Variants in MYL3 observed in about 807,000 individuals in gnomAD.
The protein encoded by MYL3 is myosin light chain 3.
Under a neutral mutation model 21.3 loss-of-function variants are expected in MYL3, and 11 were observed. The observed-to-expected ratio is 0.52, with a 90% CI of 0.32 to 0.85. The LOEUF (loss-of-function observed/expected upper bound fraction) is 0.85. MYL3 is among the 40% of genes least tolerant of loss of function. MYL3 has a pLI of 0.03. For missense variants in MYL3, 206 were observed against 253.3 expected (o/e 0.81, Z 1.27); for synonymous variants, 88 against 91.6 (o/e 0.96, Z 0.22).
chr3:46,881,847 G>A (rs1159973311), intron 1 of MYL3, among the ~76,000 whole-genome samples: 3 of 152,118 alleles, frequency 2.0e-5, no homozygotes, highest in African/African-American at 7.2e-5. Context: ...CGCGGCCGGG[G>A]GCGCGCGGGG....
At chr3:46,868,770 G>A (rs542368161) in intron 1 of MYL3, among the ~76,000 whole-genome samples, 1 of 152,294 alleles carries the variant, frequency 6.6e-6, no homozygotes, top group East Asian at 1.9e-4. Flanking sequence ...GGCCTGGACT[G>A]GGGGACCTCA....
intron 1 of MYL3, among the ~76,000 whole-genome samples, chr3:46,876,993 G>C (rs572275415): frequency 7.9e-5 from 12 of 152,184 alleles, no homozygotes; most frequent in Non-Finnish European, 1.6e-4. Flanking sequence ...GACCCACAGA[G>C]AGAAGTCATC....
rs79803923 is a variant in MYL3 at position 46,858,144 on chromosome 3, G to A, written c.*14-43C>T. ...GCAGATTACAGAGGAGGAGGGAGAC[G>A]GAGGCAGCAGGATGTCAAGTGAGCA... On this transcript the variant is annotated intron_variant, in intron 6 of 6. Transcript: ENST00000292327. 308 of 1,446,738 alleles carry A rather than the reference G, an allele frequency of 2.1e-4. No individual in the cohort carries two copies. In the East Asian group the frequency reaches 5.3e-3, roughly 25 times the overall value. 89.6% of individuals were successfully genotyped at this position (1,446,738 alleles called of 1,614,324 possible).
chr3:46,879,768 G>A lies in MYL3; in HGVS notation c.-218+2306C>T, dbSNP rs931241017. Among the ~76,000 whole-genome samples the A allele has an allele frequency of 2.6e-5, 4 of 151,652 alleles. No individual in the cohort carries two copies. Among genetic ancestry groups the A allele is most frequent in the Admixed American group, 6.6e-5 (1 of 15,224 alleles). On this transcript the variant is annotated intron_variant, in intron 1 of 3. Transcript: ENST00000431168. The surrounding 1 kb of genome is among the most constrained non-coding windows in gnomAD (Gnocchi z 4.7). ...TCTGGGGAAAAAAAAAATGCTGCGT[G>A]TGGTGGCTCACGCTTGTAATCTCAA...
chr3:46,858,431 T>C lies in MYL3; in HGVS notation c.512A>G (p.Lys171Arg), dbSNP rs1701955809. The change falls in exon 5 of 7, where the codon AAG (lysine) becomes AGG (arginine). Residue 171 changes from lysine (K) to arginine (R), a missense_variant. Coordinates refer to ENST00000292327, the MANE Select transcript of MYL3 (RefSeq NM_000258.3). Reference sequence around the variant, plus strand: ...GGAGTCCTCTTGCCCAGCCATCAACTTCTCCACTTCGTCTTCTGTCAGCCT... The same window carrying C: ...GGAGTCCTCTTGCCCAGCCATCAACCTCTCCACTTCGTCTTCTGTCAGCCT... ...GERLTEDEVE[K>R]LMAGQEDSNG... 6.2e-7 allele frequency: 1 copy of C among 1,613,904 alleles called. No individual in the cohort carries two copies. Among genetic ancestry groups the C allele is most frequent in the African/African-American group, 1.3e-5 (1 of 75,044 alleles).
chr3:46,860,682 G>C lies in MYL3; in HGVS notation c.301C>G (p.Gln101Glu), dbSNP rs747691982. The part of the protein sequence containing the change: ...EVLRVLGKPR[Q>E]EELNTKMMDF... ...TCTCGGGCAGGTGCACTACCTTCCT[G>C]TCTTGGCTTCCCCAGGACACGGAGC... The change falls in exon 3 of 7, where the codon CAG becomes GAG. Residue 101 changes from glutamine to glutamate, a missense_variant. Transcript: ENST00000292327. The surrounding 1 kb of genome is among the most constrained non-coding windows in gnomAD (Gnocchi z 4.6). 4 of 1,613,746 alleles carry C rather than the reference G, an allele frequency of 2.5e-6. No individual in the cohort carries two copies.
rs549111363 is a variant in MYL3 at position 46,861,224 on chromosome 3, C to T, written c.130-237G>A. ...CTGTGTGCACCGAGGCCCTGATGCT[C>T]GGTGGACCCTGGCAGGGGTAGCAGT... On this transcript the variant is annotated intron_variant, in intron 1 of 6. Coordinates refer to ENST00000292327, the MANE Select transcript of MYL3 (RefSeq NM_000258.3). This position sits in a 1 kb window ranked among gnomAD's most constrained non-coding sequence, Gnocchi z 4.2. Among the ~76,000 whole-genome samples, 1 of 152,180 alleles carries T rather than the reference C, an allele frequency of 6.6e-6. No individual in the cohort carries two copies. The highest frequency in any genetic ancestry group is 6.5e-5 in the Admixed American group (1 of 15,282).
At chr3:46,867,918 C>T (rs2106919904), upstream of MYL3, among the ~76,000 whole-genome samples, 1 of 152,372 alleles carries the variant, frequency 6.6e-6, no homozygotes, top group East Asian at 1.9e-4. Flanking sequence ...ACACAGACCC[C>T]ACGCGGGGCC....
chr3:46,862,107 G>A (rs1446799843), intron 1 of MYL3, among the ~76,000 whole-genome samples: 1 of 152,162 alleles, frequency 6.6e-6, no homozygotes, highest in Non-Finnish European at 1.5e-5. Flanking sequence ...CGCATGAGGG[G>A]TCTCATTGTC....
In MYL3 at chr3:46,859,795, C is replaced by T; in HGVS notation, c.308-147G>A. 1 of 978,724 alleles carries T rather than the reference C, an allele frequency of 1.0e-6. No homozygotes were observed. Among genetic ancestry groups the T allele is most frequent in the Non-Finnish European group, 1.6e-6 (1 of 624,260 alleles). The allele number at this position is 978,724 out of a possible 1,614,324, so 60.6% of individuals were successfully genotyped here. A position where few individuals can be genotyped will look rare whatever the true frequency, so the allele number is the denominator to read the frequency against. On this transcript the variant is annotated intron_variant, in intron 3 of 6. Coordinates refer to ENST00000292327, the MANE Select transcript of MYL3 (RefSeq NM_000258.3). The surrounding 1 kb of genome is among the most constrained non-coding windows in gnomAD (Gnocchi z 4.1). ...TCTCACAGCAGTCTACACCAGTTTG[C>T]CATTTAAAAGCAAACTACCATCGCG...
At chr3:46,870,690 A>T (rs746295071) in intron 1 of MYL3, among the ~76,000 whole-genome samples, 1 of 152,108 alleles carries the variant, frequency 6.6e-6, no homozygotes, top group Non-Finnish European at 1.5e-5. Flanking sequence ...GCTATGTCTG[A>T]AACACACACG....
rs79009697 is a variant in MYL3 at position 46,871,764 on chromosome 3, G to A, written c.-217-5164C>T. Among the ~76,000 whole-genome samples the A allele has an allele frequency of 1.2e-4, 18 of 152,360 alleles. No homozygotes were observed. The East Asian group carries it at 3.5e-3, about 29-fold the overall frequency. On this transcript the variant is annotated intron_variant, in intron 1 of 3. Transcript: ENST00000431168. ...CCAGCTCTCTGCAGCATCTGGCCTT[G>A]GAGCCCTCTGCTCCAGGGAGCCTCA...
rs1701986193 is a variant in MYL3, at chr3:46,860,922, C to A, written c.157+38G>T. ...GACCCTCAGACCAGGGAACCCCAGC[C>A]CAATCCTGCAACCCCTGGGTTCAAG... On this transcript the variant is annotated intron_variant, in intron 2 of 6. Transcript: ENST00000292327. The surrounding 1 kb of genome is among the most constrained non-coding windows in gnomAD (Gnocchi z 4.6). The A allele has an allele frequency of 1.2e-6, 2 of 1,614,130 alleles. No individual in the cohort carries two copies. The highest frequency in any genetic ancestry group is 8.5e-7 in the Non-Finnish European group (1 of 1,180,006).
At position 46,879,346 on chromosome 3, in the gene MYL3, A is replaced by C. The variant is rs926867270; in HGVS notation, c.-218+2728T>G. 1.3e-5 allele frequency among the ~76,000 whole-genome samples: 2 copies of C among 152,346 alleles called. No individual in the cohort carries two copies. The highest frequency in any genetic ancestry group is 4.8e-5 in the African/African-American group (2 of 41,574). On this transcript the variant is annotated intron_variant, in intron 1 of 3. Coordinates refer to the MYL3 transcript ENST00000431168. This position sits in a 1 kb window ranked among gnomAD's most constrained non-coding sequence, Gnocchi z 4.7. ...CCCTCAGCCTCTAGTTTTATCTCTC[A>C]GTCCTTCCAATCCCTCCATTAATGT...
At chr3:46,875,156 T>G (rs934875750) in intron 1 of MYL3, among the ~76,000 whole-genome samples, 1 of 152,144 alleles carries the variant, frequency 6.6e-6, no homozygotes, top group African/African-American at 2.4e-5. Flanking sequence ...CTGCCTCCCT[T>G]CCATTTCCAG....
chr3:46,861,045 T>G lies in MYL3; in HGVS notation c.130-58A>C. The stretch of plus-strand genomic sequence containing the variant: ...GCTTAAAAGGTGGGGCCACACCTCC[T>G]CCTGGGCACTCGGTGGCCAGCCCAG... On this transcript the variant is annotated intron_variant, in intron 1 of 6. Coordinates refer to ENST00000292327, the MANE Select transcript of MYL3 (RefSeq NM_000258.3). This position sits in a 1 kb window ranked among gnomAD's most constrained non-coding sequence, Gnocchi z 4.2. The G allele has an allele frequency of 1.3e-6, 2 of 1,597,410 alleles. No homozygotes were observed. Among genetic ancestry groups the G allele is most frequent in the Non-Finnish European group, 1.7e-6 (2 of 1,165,360 alleles).
chr3:46,878,652 T>C (rs1332477783), intron 1 of MYL3, among the ~76,000 whole-genome samples: 1 of 152,180 alleles, frequency 6.6e-6, no homozygotes, highest in African/African-American at 2.4e-5. Flanking sequence ...GCTGCATTGC[T>C]CAGACAGCTG....
rs758267230 is a variant in MYL3 at position 46,859,575 on chromosome 3, T to G, written c.381A>C (p.Thr127=). The change falls in exon 4 of 7, where the codon ACA becomes ACC. Residue 127 remains threonine (T), a synonymous_variant. Transcript: ENST00000292327. This position sits in a 1 kb window ranked among gnomAD's most constrained non-coding sequence, Gnocchi z 4.1. ...CCTCCACGAAGTCCTCATAGGTGCCTGTGTCCTTGTTCTTGGAAATGTGCT... is the reference window on the plus strand; with the variant it reads ...CCTCCACGAAGTCCTCATAGGTGCCGGTGTCCTTGTTCTTGGAAATGTGCT... ...MLQHISKNKD[T]GTYEDFVEGL... The G allele has an allele frequency of 3.2e-5, 51 of 1,614,096 alleles. No homozygotes were observed. In the South Asian group the frequency reaches 5.2e-4, roughly 16 times the overall value.
upstream of MYL3, among the ~76,000 whole-genome samples, chr3:46,864,147 G>A (rs1457932144): frequency 2.6e-5 from 4 of 151,984 alleles, no homozygotes; most frequent in Non-Finnish European, 5.9e-5. This position sits in a 1 kb window ranked among gnomAD's most constrained non-coding sequence, Gnocchi z 4.7. Flanking sequence ...GTCTCTGTGG[G>A]TCTGGGTCTT....
Sources: allele counts gnomAD v4.1 joint callset (sites outside exome capture counted in the v4.1 genomes callset), GRCh38; gene constraint gnomAD v4.1.1; non-coding constraint Gnocchi (gnomAD v3.1); transcripts MANE v1.5; gene names NCBI Gene and HGNC (gene_info 2026-07-23, HGNC 2026-07-21).